Variants in RTN4 observed in about 807,000 individuals in gnomAD.
RTN4 encodes the protein reticulon-4.
In RTN4, 32 loss-of-function variants were observed where a neutral mutation model predicts 90.4. The ratio of observed to expected loss-of-function variants is 0.35; its 90% CI spans 0.27 to 0.48. The LOEUF is 0.48. Among genes scored for constraint, RTN4 ranks in the 20% least tolerant of loss-of-function variants. The pLI, the probability that RTN4 is intolerant of heterozygous loss-of-function variation, is 0.99. For missense variants in RTN4, 1,706 were observed against 1,430.2 expected, an observed-to-expected ratio of 1.19 and a Z score of -3.11; for synonymous variants, 629 against 552.5, an observed-to-expected ratio of 1.14 and a Z score of -1.94.
At chr2:55,089,626 T>C (rs576386221) in intron 1 of RTN4, among the ~76,000 whole-genome samples, 1 of 152,366 alleles carries the variant, frequency 6.6e-6, no homozygotes, top group Admixed American at 6.5e-5. Context: ...AAGTGAATGT[T>C]GTCAACTGCA....
At chr2:55,084,293 TC>T (rs895935132) in intron 1 of RTN4, among the ~76,000 whole-genome samples, 3 of 144,986 alleles carry the variant, frequency 2.1e-5, no homozygotes, top group Admixed American at 7.1e-5. Flanking sequence ...CTGAGTTGCA[TC>T]CCCCCTGCCT....
intron 2 of RTN4, among the ~76,000 whole-genome samples, chr2:55,060,182 G>A (rs1668265042): frequency 6.6e-6 from 1 of 152,136 alleles, no homozygotes; most frequent in Non-Finnish European, 1.5e-5. Context: ...ACAGAATTTA[G>A]CTTTTTATAT....
At chr2:55,129,229 T>C in the RTN4 span, among the ~76,000 whole-genome samples, 2 of 152,064 alleles carry the variant, frequency 1.3e-5, no homozygotes, top group Admixed American at 6.6e-5. Flanking sequence ...AATCTCACTG[T>C]AAACATATAA....
chr2:55,107,238 T>A lies in RTN4; in HGVS notation c.-214+5282A>T, dbSNP rs184950170. Among the ~76,000 whole-genome samples the A allele has an allele frequency of 3.3e-3, 495 of 151,802 alleles. 6 individuals are homozygous for A. Among genetic ancestry groups the A allele is most frequent in the Non-Finnish European group, 9.3e-4 (63 of 67,944 alleles). On this transcript the variant is annotated intron_variant, in intron 1 of 3. Transcript: ENST00000427710. The stretch of plus-strand genomic sequence containing the variant: ...TCAGTGAATGTCTGGCACATTGCAA[T>A]AATCAAACATGTGCTTATTTTTCTT...
At chr2:55,016,787 T>C (rs1052622637) in intron 3 of RTN4, among the ~76,000 whole-genome samples, 1 of 152,200 alleles carries the variant, frequency 6.6e-6, no homozygotes, top group African/African-American at 2.4e-5. Flanking sequence ...TCACTGATAG[T>C]TATCAAGTCC....
upstream of RTN4, among the ~76,000 whole-genome samples, chr2:55,055,267 C>G (rs1668168295): frequency 6.6e-6 from 1 of 151,530 alleles, no homozygotes; most frequent in African/African-American, 2.4e-5. Flanking sequence ...ACATCCTATG[C>G]TGTCTTAGAC....
chr2:55,050,556 C>A (rs1050191006), upstream of RTN4: 14 of 329,460 alleles, frequency 4.2e-5, no homozygotes. This position sits in a 1 kb window ranked among gnomAD's most constrained non-coding sequence, Gnocchi z 4.6. Context: ...GACTCTCCGC[C>A]CAGTTTGGCG....
chr2:55,004,525 G>C (rs1228712524), intron 3 of RTN4, among the ~76,000 whole-genome samples: 1 of 152,168 alleles, frequency 6.6e-6, no homozygotes, highest in Non-Finnish European at 1.5e-5. Flanking sequence ...TGAATCTACA[G>C]AAGTTCCTTC....
At chr2:55,082,997 G>A (rs987245057) in intron 1 of RTN4, among the ~76,000 whole-genome samples, 1 of 151,950 alleles carries the variant, frequency 6.6e-6, no homozygotes. Context: ...CAGGTCTAAA[G>A]CTTTTCAAAT....
chr2:55,035,962 A>T (rs190377286), intron 1 of RTN4, among the ~76,000 whole-genome samples: 9 of 152,280 alleles, frequency 5.9e-5, no homozygotes, highest in Admixed American at 5.9e-4. Context: ...GAAATCAAAA[A>T]TCAGAATAGT....
intron 3 of RTN4, among the ~76,000 whole-genome samples, chr2:54,998,123 C>G (rs929391156): frequency 1.3e-5 from 2 of 151,388 alleles, no homozygotes; most frequent in African/African-American, 4.9e-5. Context: ...ATATGAAGTG[C>G]CTTGAATATG....
intron 4 of RTN4, among the ~76,000 whole-genome samples, chr2:54,984,335 T>A (rs1431263124): frequency 6.6e-6 from 1 of 152,220 alleles, no homozygotes; most frequent in Non-Finnish European, 1.5e-5. Context: ...GAATGTATCT[T>A]TACTAATACA....
Position 55,105,381 on chromosome 2 carries a change from C to G in RTN4, c.-214+7139G>C, listed in dbSNP as rs190968269. Reference sequence around the variant, plus strand: ...AGTAGCTGGGATTACAGGCATTTGCCACCACACCCGGCTAATTTTTGTATT... The same window carrying G: ...AGTAGCTGGGATTACAGGCATTTGCGACCACACCCGGCTAATTTTTGTATT... On this transcript the variant is annotated intron_variant, in intron 1 of 3. Transcript: ENST00000427710. 5.5e-4 allele frequency among the ~76,000 whole-genome samples: 83 copies of G among 151,908 alleles called. 1 individual carries two copies. The highest frequency in any genetic ancestry group is 2.0e-3 in the African/African-American group (82 of 41,374).
intron 3 of RTN4, among the ~76,000 whole-genome samples, chr2:54,999,517 G>A (rs771095314): frequency 6.6e-5 from 10 of 152,152 alleles, no homozygotes; most frequent in Non-Finnish European, 8.8e-5. Context: ...TACTAGGACA[G>A]GGAATGGCTG....
chr2:54,986,468 T>G lies in RTN4; in HGVS notation c.3221+1023A>C, dbSNP rs1037264157. Reference sequence around the variant, plus strand: ...CATGGCTGTGTTCCAACAAACTATTTACAAAAGCAGGCAGCAGACTGCATT... The same window carrying G: ...CATGGCTGTGTTCCAACAAACTATTGACAAAAGCAGGCAGCAGACTGCATT... On this transcript the variant is annotated intron_variant, in intron 4 of 8. Transcript: ENST00000337526. 2.5e-4 allele frequency among the ~76,000 whole-genome samples: 38 copies of G among 152,288 alleles called. 1 individual carries two copies. The highest frequency in any genetic ancestry group is 7.7e-4 in the African/African-American group (32 of 41,552).
intron 3 of RTN4, among the ~76,000 whole-genome samples, chr2:55,003,327 T>C (rs1679976935): frequency 1.3e-5 from 2 of 152,224 alleles, no homozygotes; most frequent in South Asian, 4.1e-4. Context: ...TGCTTTGAGC[T>C]TCATAAGAAA....
intron 2 of RTN4, among the ~76,000 whole-genome samples, chr2:55,064,288 C>T (rs566354738): frequency 4.0e-5 from 6 of 150,928 alleles, no homozygotes; most frequent in Non-Finnish European, 8.9e-5. Flanking sequence ...TAGAGTCATC[C>T]CAGACCAACT....
the RTN4 span, among the ~76,000 whole-genome samples, chr2:55,126,375 G>GA: frequency 8.0e-4 from 87 of 108,344 alleles, no homozygotes; most frequent in East Asian, 2.3e-3. Context: ...GTCTCAAAAA[G>GA]AAAAAAAAAA....
chr2:55,115,926 T>G (rs1342866805), upstream of RTN4, among the ~76,000 whole-genome samples: 5 of 152,036 alleles, frequency 3.3e-5, no homozygotes, highest in Non-Finnish European at 5.9e-5. Context: ...GAATCCCAGC[T>G]CAGTGTGATT....
Sources: allele counts gnomAD v4.1 joint callset (sites outside exome capture counted in the v4.1 genomes callset), GRCh38; gene constraint gnomAD v4.1.1; non-coding constraint Gnocchi (gnomAD v3.1); transcripts MANE v1.5; gene names NCBI Gene and HGNC (gene_info 2026-07-23, HGNC 2026-07-21).